The following PAX7 variants were observed in gnomAD, a reference collection of about 807,000 sequenced individuals.
PAX7 encodes the protein paired box protein Pax-7.
PAX7 carries 18 observed loss-of-function variants against 50.7 expected under a neutral mutation model. That is an observed-to-expected ratio of 0.36 (90% CI 0.25 to 0.53). PAX7 has a LOEUF of 0.53. PAX7 is among the 20% of genes least tolerant of loss of function. PAX7 has a pLI of 0.93. For synonymous variants in PAX7, 310 were observed against 290.4 expected, an observed-to-expected ratio of 1.07 and a Z score of -0.69; for missense variants, 644 against 702.9, an observed-to-expected ratio of 0.92 and a Z score of 0.95.
intron 7 of PAX7, among the ~76,000 whole-genome samples, chr1:18,712,269 T>C (rs1202981356): frequency 1.3e-5 from 2 of 152,152 alleles, no homozygotes; most frequent in Admixed American, 6.5e-5. Flanking sequence ...AGCTCCATCT[T>C]TGTCCACAGT....
intron 7 of PAX7, among the ~76,000 whole-genome samples, chr1:18,714,155 C>T (rs2089388856): frequency 6.6e-6 from 1 of 151,304 alleles, no homozygotes; most frequent in Non-Finnish European, 1.5e-5. Flanking sequence ...TGCAGTGAGC[C>T]GAGATCTAGT....
intron 7 of PAX7, among the ~76,000 whole-genome samples, chr1:18,719,724 G>GA (rs1373245641): frequency 6.6e-6 from 1 of 152,176 alleles, no homozygotes; most frequent in Non-Finnish European, 1.5e-5. Flanking sequence ...ATCCTTCCCT[G>GA]AGCCCCCTGG....
chr1:18,642,782 C>A (rs1224809803), intron 4 of PAX7, among the ~76,000 whole-genome samples: 1 of 151,914 alleles, frequency 6.6e-6, no homozygotes, highest in Non-Finnish European at 1.5e-5. Flanking sequence ...CGAATCAAGG[C>A]AGAACGGTGA....
At chr1:18,640,090 C>T (rs984602428) in intron 4 of PAX7, among the ~76,000 whole-genome samples, 9 of 151,882 alleles carry the variant, frequency 5.9e-5, no homozygotes, top group Non-Finnish European at 1.0e-4. Flanking sequence ...TTGGCGAGGA[C>T]GGCGAGTGAG....
chr1:18,656,522 A>G (rs2088524950), intron 4 of PAX7, among the ~76,000 whole-genome samples: 1 of 151,892 alleles, frequency 6.6e-6, no homozygotes, highest in East Asian at 1.9e-4. Flanking sequence ...ATAAAATGTA[A>G]CAGGCGGCTT....
chr1:18,718,889 C>T (rs1446321646), intron 7 of PAX7, among the ~76,000 whole-genome samples: 6 of 152,158 alleles, frequency 3.9e-5, no homozygotes, highest in Non-Finnish European at 7.3e-5. Context: ...ATCCTCCCGC[C>T]TCAGCCTCCC....
At chr1:18,707,773 T>C (rs183485642) in intron 7 of PAX7, among the ~76,000 whole-genome samples, 1 of 152,238 alleles carries the variant, frequency 6.6e-6, no homozygotes, top group African/African-American at 2.4e-5. Context: ...CTCTCAGAAA[T>C]GCCCTCACTT....
In PAX7 at chr1:18,727,980, G is replaced by C. The variant is rs2089595326; in HGVS notation, c.1156-7652G>C. ...TGTCCACAGGGGGAAAGGAGGGGGA[G>C]GGTCCAGATCCTCTTAGTGGAGTAT... On this transcript the variant is annotated intron_variant, in intron 7 of 8. Transcript: ENST00000420770. Among the ~76,000 whole-genome samples the C allele has an allele frequency of 2.6e-5, 4 of 152,152 alleles. No individual in the cohort carries two copies. In the South Asian group the frequency reaches 8.3e-4, roughly 32 times the overall value.
chr1:18,688,400 C>A (rs1458614495), intron 4 of PAX7, among the ~76,000 whole-genome samples: 1 of 152,198 alleles, frequency 6.6e-6, no homozygotes, highest in Non-Finnish European at 1.5e-5. Context: ...TGGTGGCCAC[C>A]AGCCACGTGT....
At chr1:18,722,581 T>A (rs1026191469) in intron 7 of PAX7, among the ~76,000 whole-genome samples, 1 of 151,876 alleles carries the variant, frequency 6.6e-6, no homozygotes, top group Non-Finnish European at 1.5e-5. Flanking sequence ...GGAGAAGATA[T>A]TTGTTTTGTA....
chr1:18,657,551 C>T (rs1336155649), intron 4 of PAX7, among the ~76,000 whole-genome samples: 1 of 152,254 alleles, frequency 6.6e-6, no homozygotes, highest in Non-Finnish European at 1.5e-5. Context: ...CTTCTTAGCC[C>T]GCACTCTCTG....
chr1:18,725,309 CCCCG>C lies in PAX7; in HGVS notation c.1156-10319_1156-10316del, dbSNP rs1218077113. Reference sequence around the variant, plus strand: ...AATTACAGAGGTGGAGACGCCCCCCCCCCGCCCCACCAACACCGCCAGGCCAGGG... The same window carrying C: ...AATTACAGAGGTGGAGACGCCCCCCCCCCCACCAACACCGCCAGGCCAGGG... On this transcript the variant is annotated intron_variant, in intron 7 of 8. Coordinates refer to ENST00000420770, the MANE Select transcript of PAX7 (RefSeq NM_001135254.2). Among the ~76,000 whole-genome samples, 184 of 57,176 alleles carry C rather than the reference CCCCG, an allele frequency of 3.2e-3. 8 individuals carry two copies. Among genetic ancestry groups the C allele is most frequent in the Middle Eastern group, 0.014 (1 of 72 alleles). 37.5% of individuals were successfully genotyped at this position (57,176 alleles called of 152,430 possible).
At chr1:18,648,768 A>G (rs1327814652) in intron 4 of PAX7, among the ~76,000 whole-genome samples, 1 of 152,108 alleles carries the variant, frequency 6.6e-6, no homozygotes, top group Non-Finnish European at 1.5e-5. Context: ...GGCAGCGGGG[A>G]GCCATGGAGG....
At chr1:18,638,482 G>A (rs967762928) in intron 4 of PAX7, among the ~76,000 whole-genome samples, 7 of 152,240 alleles carry the variant, frequency 4.6e-5, no homozygotes, top group African/African-American at 1.7e-4. Context: ...GTCTAGAGGA[G>A]CTGAAGAAAT....
chr1:18,704,929 G>T (rs1169601342), intron 7 of PAX7, among the ~76,000 whole-genome samples: 8 of 152,180 alleles, frequency 5.3e-5, no homozygotes, highest in African/African-American at 9.7e-5. Flanking sequence ...GCCTCCCAAG[G>T]TTGCTGGGGA....
intron 4 of PAX7, among the ~76,000 whole-genome samples, chr1:18,688,143 T>A (rs1387230517): frequency 6.6e-6 from 1 of 152,240 alleles, no homozygotes; most frequent in Non-Finnish European, 1.5e-5. Flanking sequence ...AATATTTTAC[T>A]ATATCTAAAA....
intron 4 of PAX7, among the ~76,000 whole-genome samples, chr1:18,676,510 A>T (rs932831916): frequency 3.1e-4 from 2 of 6,450 alleles, no homozygotes; most frequent in East Asian, 6.7e-3. Flanking sequence ...AGGGGAGGGG[A>T]GGGGAAGTTG....
intron 5 of PAX7, among the ~76,000 whole-genome samples, chr1:18,699,027 C>T (rs1024404802): frequency 6.6e-6 from 1 of 152,198 alleles, no homozygotes; most frequent in Non-Finnish European, 1.5e-5. Flanking sequence ...GATGGAACAC[C>T]AACCAAGCCT....
intron 3 of PAX7, among the ~76,000 whole-genome samples, chr1:18,635,980 C>G (rs925824690): frequency 4.6e-5 from 7 of 151,982 alleles, no homozygotes; most frequent in Admixed American, 2.0e-4. Context: ...GTGTAAGGCA[C>G]GAATGCATGC....
Sources: allele counts gnomAD v4.1 joint callset (sites outside exome capture counted in the v4.1 genomes callset), GRCh38; gene constraint gnomAD v4.1.1; transcripts MANE v1.5; gene names NCBI Gene and HGNC (gene_info 2026-07-23, HGNC 2026-07-21).